Variants in NAV1 observed in about 807,000 individuals in gnomAD.
NAV1 encodes neuron navigator 1, also known as pore membrane and/or filament interacting like protein 3.
A neutral mutation model predicts 175.2 loss-of-function variants in NAV1; 18 were observed. The observed-to-expected ratio is 0.10, with a 90% CI of 0.07 to 0.15. The LOEUF (loss-of-function observed/expected upper bound fraction) is 0.15. Among genes scored for constraint, NAV1 ranks in the 10% least tolerant of loss-of-function variants. NAV1 has a pLI of 1.00. For missense variants in NAV1, 1,731 were observed against 2,436.6 expected (o/e 0.71, Z 6.10); for synonymous variants, 897 against 978.7 (o/e 0.92, Z 1.56).
intron 1 of NAV1, among the ~76,000 whole-genome samples, chr1:201,658,131 C>T (rs1669475348): frequency 6.6e-6 from 1 of 152,204 alleles, no homozygotes; most frequent in Non-Finnish European, 1.5e-5. Context: ...AGCCTCAAGA[C>T]TCCCTCAAAC....
chr1:201,567,160 C>T (rs920629916), intron 1 of NAV1, among the ~76,000 whole-genome samples: 2 of 151,996 alleles, frequency 1.3e-5, no homozygotes, highest in African/African-American at 4.8e-5. Context: ...ATCAGTATCA[C>T]AACCTCCCCA....
At chr1:201,665,110 C>T (rs376197920) in intron 1 of NAV1, among the ~76,000 whole-genome samples, 3 of 152,184 alleles carry the variant, frequency 2.0e-5, no homozygotes, top group East Asian at 1.9e-4. Context: ...GAAGCACCAG[C>T]GTCCTCCCAC....
intron 2 of NAV1, among the ~76,000 whole-genome samples, chr1:201,632,884 A>G (rs1319059736): frequency 1.3e-5 from 2 of 152,180 alleles, no homozygotes. Context: ...TTCATGCCTT[A>G]TGGATTTGAA....
intron 2 of NAV1, among the ~76,000 whole-genome samples, chr1:201,592,646 G>T (rs1475677728): frequency 6.6e-6 from 1 of 152,092 alleles, no homozygotes; most frequent in Non-Finnish European, 1.5e-5. Context: ...GGGGGAGGTG[G>T]TCTTTGGATT....
At position 201,810,136 on chromosome 1, in the gene NAV1, G is replaced by A; in HGVS notation, c.4561+31G>A. On this transcript the variant is annotated intron_variant, in intron 23 of 29. Coordinates refer to ENST00000367296, the Ensembl canonical transcript of NAV1. This position sits in a 1 kb window ranked among gnomAD's most constrained non-coding sequence, Gnocchi z 6.0. Reference sequence around the variant, plus strand: ...TCTTTGTCTCTTGGGGTGAGGTGGTGTGGCATGAAGGCAGGGACAGGATCA... The same window carrying A: ...TCTTTGTCTCTTGGGGTGAGGTGGTATGGCATGAAGGCAGGGACAGGATCA... 1 of 1,609,484 alleles carries A rather than the reference G, an allele frequency of 6.2e-7. No homozygotes were observed. The highest frequency in any genetic ancestry group is 1.7e-5 in the Admixed American group (1 of 59,790).
chr1:201,782,749 T>C lies in NAV1; in HGVS notation c.2237T>C (p.Val746Ala). ...AAGGAGAAGGCCAAAGCCAAGGCAGTGGCCTTGGACTCAGACAACATCTCC... is the reference window on the plus strand; with the variant it reads ...AAGGAGAAGGCCAAAGCCAAGGCAGCGGCCTTGGACTCAGACAACATCTCC... The change falls in exon 6 of 30, where the codon GTG (valine) becomes GCG (alanine). Residue 746 changes from valine to alanine, a missense_variant. Val to Ala is a moderately conservative substitution (Grantham distance 64). Coordinates refer to ENST00000367296, the Ensembl canonical transcript of NAV1. The surrounding 1 kb of genome is among the most constrained non-coding windows in gnomAD (Gnocchi z 5.4). The C allele has an allele frequency of 6.2e-7, 1 of 1,614,096 alleles. No homozygotes were observed. The highest frequency in any genetic ancestry group is 1.1e-5 in the South Asian group (1 of 91,078).
chr1:201,642,808 C>A (rs373420754), intron 2 of NAV1, among the ~76,000 whole-genome samples: 2 of 149,698 alleles, frequency 1.3e-5, no homozygotes, highest in Non-Finnish European at 3.0e-5. Flanking sequence ...CTTGCTCTGT[C>A]GCCCAGGCTG....
At chr1:201,609,054 G>T (rs1462796304) in intron 2 of NAV1, among the ~76,000 whole-genome samples, 1 of 152,308 alleles carries the variant, frequency 6.6e-6, no homozygotes, top group South Asian at 2.1e-4. Context: ...TTTTCAGATG[G>T]CAAAGCTAAG....
At chr1:201,760,787 C>T (rs559861009) in intron 3 of NAV1, among the ~76,000 whole-genome samples, 1 of 152,254 alleles carries the variant, frequency 6.6e-6, no homozygotes, top group African/African-American at 2.4e-5. Flanking sequence ...ACATAACTTG[C>T]CCGTATCCTG....
chr1:201,789,814 C>A (rs1446061811), intron 11 of NAV1, 22 bp downstream of exon 15: 2 of 1,602,776 alleles, frequency 1.2e-6, no homozygotes, highest in Non-Finnish European at 1.7e-6. Flanking sequence ...AACTTCTCTT[C>A]CCCTCTCATC....
intron 3 of NAV1, among the ~76,000 whole-genome samples, chr1:201,737,770 T>C (rs764710478): frequency 1.3e-5 from 2 of 152,206 alleles, no homozygotes; most frequent in African/African-American, 2.4e-5. Context: ...GGAAACCTTA[T>C]GGAAAGCTTA....
At chr1:201,664,300 T>C (rs545663523) in intron 1 of NAV1, among the ~76,000 whole-genome samples, 9 of 152,202 alleles carry the variant, frequency 5.9e-5, no homozygotes, top group South Asian at 4.1e-4. Flanking sequence ...TGAGATCGCG[T>C]CACTGCACTC....
chr1:201,676,658 G>C (rs534595305), intron 1 of NAV1, among the ~76,000 whole-genome samples: 3 of 152,248 alleles, frequency 2.0e-5, no homozygotes, highest in African/African-American at 7.2e-5. Context: ...CTTTTAAAAG[G>C]TGAACACAAT....
intron 1 of NAV1, among the ~76,000 whole-genome samples, chr1:201,548,468 G>A (rs959287913): frequency 2.0e-5 from 3 of 152,164 alleles, no homozygotes; most frequent in African/African-American, 7.2e-5. Context: ...TAGGAGGATC[G>A]ATCACTTGAT....
At chr1:201,776,325 CCT>C (rs1391430640) in intron 3 of NAV1, among the ~76,000 whole-genome samples, 3 of 126,980 alleles carry the variant, frequency 2.4e-5, no homozygotes, top group African/African-American at 9.2e-5. Context: ...ATAAGGAGAC[CCT>C]GACTCTACAA....
intron 2 of NAV1, among the ~76,000 whole-genome samples, chr1:201,589,332 A>G (rs1391101196): frequency 2.6e-5 from 4 of 152,222 alleles, no homozygotes; most frequent in Non-Finnish European, 2.9e-5. Flanking sequence ...ACAGATAGGG[A>G]AAGGAGAAGC....
chr1:201,567,832 G>A (rs1362933276), intron 1 of NAV1, among the ~76,000 whole-genome samples: 2 of 152,110 alleles, frequency 1.3e-5, no homozygotes, highest in Non-Finnish European at 2.9e-5. Context: ...AAAGCCTTGT[G>A]TGTATTATAT....
rs1217971650 is a variant in NAV1, at chr1:201,794,457, C to G, written c.3406-9C>G. 2 of 1,609,414 alleles carry G rather than the reference C, an allele frequency of 1.2e-6. No homozygotes were observed. Among genetic ancestry groups the G allele is most frequent in the South Asian group, 2.2e-5 (2 of 90,570 alleles). Reference sequence around the variant, plus strand: ...TGCCCAGCCAACGCTATTTTCATTTCTCTCTTAGGACACTGAGCTGCTGGA... The same window carrying G: ...TGCCCAGCCAACGCTATTTTCATTTGTCTCTTAGGACACTGAGCTGCTGGA... On this transcript the variant is annotated splice_polypyrimidine_tract_variant and intron_variant, in intron 14 of 29. Transcript: ENST00000367296.
At chr1:201,653,428 G>A (rs149286999) in intron 1 of NAV1, among the ~76,000 whole-genome samples, 1 of 152,128 alleles carries the variant, frequency 6.6e-6, no homozygotes, top group African/African-American at 2.4e-5. Context: ...CTGAAGTGCA[G>A]GCCAAGTAGA....
Sources: allele counts gnomAD v4.1 joint callset (sites outside exome capture counted in the v4.1 genomes callset), GRCh38; gene constraint gnomAD v4.1.1; non-coding constraint Gnocchi (gnomAD v3.1); transcripts MANE v1.5; gene names NCBI Gene and HGNC (gene_info 2026-07-23, HGNC 2026-07-21).